The following COG4 variants were observed in gnomAD, a reference collection of about 807,000 sequenced individuals.
COG4 encodes component of oligomeric golgi complex 4, also known as conserved oligomeric Golgi complex subunit 4.
COG4 carries 65 observed loss-of-function variants against 95.1 expected under a neutral mutation model. The ratio of observed to expected loss-of-function variants is 0.68; its 90% CI spans 0.56 to 0.84. The LOEUF is 0.84. Among genes scored for constraint, COG4 ranks in the 40% least tolerant of loss-of-function variants. COG4 has a pLI of 0.00. For synonymous variants in COG4, 421 were observed against 374.8 expected, an observed-to-expected ratio of 1.12 and a Z score of -1.42; for missense variants, 1,045 against 989.1, an observed-to-expected ratio of 1.06 and a Z score of -0.76.
At chr16:70,499,548 T>C (rs766834453) in intron 9 of COG4, among the ~76,000 whole-genome samples, 2 of 152,260 alleles carry the variant, frequency 1.3e-5, no homozygotes, top group Non-Finnish European at 2.9e-5. Context: ...TTTTTATTTT[T>C]TTAAATTTTT....
rs759064547 is a variant in COG4, at chr16:70,514,317, A to C, written c.544+18T>G. ...ATGATTTTAACTAAACTAAAAACCA[A>C]CAGTTTCGGATGCTGACCCTCTTTG... On this transcript the variant is annotated intron_variant, in intron 4 of 18. Transcript: ENST00000323786. The C allele has an allele frequency of 6.2e-7, 1 of 1,613,722 alleles. No homozygotes were observed. Among genetic ancestry groups the C allele is most frequent in the Non-Finnish European group, 8.5e-7 (1 of 1,179,658 alleles).
intron 1 of COG4, chr16:70,523,077 T>A: frequency 2.2e-6 from 1 of 450,192 alleles, no homozygotes; most frequent in South Asian, 2.6e-5. Flanking sequence ...GCAAATACTC[T>A]CAGACTAACT....
intron 9 of COG4, 128 bp from the exon 10 acceptor site, chr16:70,498,183 C>A: frequency 1.5e-6 from 1 of 680,792 alleles, no homozygotes; most frequent in Non-Finnish European, 2.7e-6. Context: ...TCGTTACAAT[C>A]ATGATACAGA....
chr16:70,518,597 C>A (rs1248881439), intron 2 of COG4, among the ~76,000 whole-genome samples: 1 of 152,006 alleles, frequency 6.6e-6, no homozygotes, highest in Non-Finnish European at 1.5e-5. Context: ...GATGAGGCCT[C>A]CCACAGTGCT....
chr16:70,521,140 A>G (rs115186775), intron 1 of COG4, among the ~76,000 whole-genome samples: 1 of 151,804 alleles, frequency 6.6e-6, no homozygotes, highest in African/African-American at 2.4e-5. Context: ...GTCTCCAACT[A>G]TAGCTCAAGC....
chr16:70,482,700 G>T (rs1285906846), intron 15 of COG4, 29 bp downstream of exon 15: 2 of 1,589,756 alleles, frequency 1.3e-6, no homozygotes, highest in African/African-American at 2.7e-5. Flanking sequence ...GGTCATCGGG[G>T]CTTGATGGCT....
intron 9 of COG4, among the ~76,000 whole-genome samples, chr16:70,498,310 AACT>A (rs1170896790): frequency 6.6e-6 from 1 of 152,026 alleles, no homozygotes; most frequent in African/African-American, 2.4e-5. Context: ...ACATTTTAAA[AACT>A]ACTTTTTTTA....
chr16:70,482,677 G>T (rs2049022239), intron 15 of COG4, 52 bp downstream of exon 15: 1 of 1,445,852 alleles, frequency 6.9e-7, no homozygotes, highest in Non-Finnish European at 9.7e-7. Flanking sequence ...TCTAGCTGGG[G>T]CTAGGGATGA....
intron 12 of COG4, 98 bp from the exon 13 acceptor site, chr16:70,490,490 GAGA>G: frequency 1.0e-6 from 1 of 970,000 alleles, no homozygotes; most frequent in South Asian, 1.3e-5. Context: ...ATGAAGCTCA[GAGA>G]AGGGCTGGCT....
chr16:70,504,533 G>A (rs2049519197), intron 8 of COG4, among the ~76,000 whole-genome samples: 1 of 151,006 alleles, frequency 6.6e-6, no homozygotes, highest in African/African-American at 2.5e-5. Context: ...CTTGATCCTG[G>A]GAGGCGGAGA....
rs187838403 is a variant in COG4 at position 70,496,216 on chromosome 16, G to A, written c.1647+50C>T. 5.7e-4 allele frequency: 917 copies of A among 1,601,944 alleles called. 2 individuals carry two copies. The highest frequency in any genetic ancestry group is 7.4e-4 in the Non-Finnish European group (865 of 1,169,270). ...TATACTGTGGCTTAGCAGTGATAGC[G>A]TAACCTCTCGAGATAAACCAACCCA... On this transcript the variant is annotated intron_variant, in intron 12 of 18. Coordinates refer to ENST00000323786, the MANE Select transcript of COG4 (RefSeq NM_015386.3).
chr16:70,501,511 T>C (rs2049449672), intron 8 of COG4: 2 of 208,712 alleles, frequency 9.6e-6, no homozygotes, highest in Non-Finnish European at 2.0e-5. Context: ...CCCACCACCA[T>C]GCCCGGCTAA....
rs576712360 is a variant in COG4, at chr16:70,495,164, G to A, written c.1647+1102C>T. 1.3e-3 allele frequency among the ~76,000 whole-genome samples: 199 copies of A among 151,810 alleles called. 2 individuals carry two copies. Among genetic ancestry groups the A allele is most frequent in the African/African-American group, 4.6e-3 (192 of 41,370 alleles). On this transcript the variant is annotated intron_variant, in intron 12 of 18. Transcript: ENST00000323786. ...CCAACACTTTGGGAGGCCAAGACGG[G>A]TGGATCACTTGAGGTCAGAAGTTCG...
rs368766795 is a variant in COG4 at position 70,480,963 on chromosome 16, G to C, written c.*47C>G. On this transcript the variant is annotated 3_prime_UTR_variant, in exon 19 of 19. Coordinates refer to ENST00000323786, the MANE Select transcript of COG4 (RefSeq NM_015386.3). ...CAGCTCCTTGGCTGGGGCCCCTTAGGGAACAGGCCTGCAAGTGTGATGAGC... is the reference window on the plus strand; with the variant it reads ...CAGCTCCTTGGCTGGGGCCCCTTAGCGAACAGGCCTGCAAGTGTGATGAGC... The C allele has an allele frequency of 3.6e-5, 58 of 1,608,322 alleles. 1 individual carries two copies. Among genetic ancestry groups the C allele is most frequent in the East Asian group, 1.3e-4 (6 of 44,852 alleles).
intron 12 of COG4, among the ~76,000 whole-genome samples, chr16:70,492,268 TAA>T (rs902182377): frequency 1.3e-5 from 2 of 152,006 alleles, no homozygotes; most frequent in African/African-American, 4.8e-5. Flanking sequence ...ACAAATAAAC[TAA>T]AAAAATGAAT....
intron 6 of COG4, 159 bp downstream of exon 6, chr16:70,509,757 G>A: frequency 1.5e-6 from 1 of 682,054 alleles, no homozygotes; most frequent in East Asian, 2.7e-5. Context: ...TTGCTAATCA[G>A]GCACTGAATC....
intron 18 of COG4, 46 bp from the exon 19 acceptor site, chr16:70,481,190 T>A: frequency 6.2e-7 from 1 of 1,612,860 alleles, no homozygotes; most frequent in South Asian, 1.1e-5. Flanking sequence ...GGGGTTATTC[T>A]GAAAGAGGGC....
chr16:70,515,177 T>G (rs2049796943), intron 3 of COG4, among the ~76,000 whole-genome samples: 1 of 151,956 alleles, frequency 6.6e-6, no homozygotes, highest in Non-Finnish European at 1.5e-5. Flanking sequence ...AACCACAACC[T>G]GCTAATTTTT....
chr16:70,507,621 G>T (rs2049605618), intron 8 of COG4, among the ~76,000 whole-genome samples: 1 of 152,036 alleles, frequency 6.6e-6, no homozygotes, highest in Non-Finnish European at 1.5e-5. Flanking sequence ...AGCATTTTGG[G>T]AGGCTGAGGT....
Sources: gnomAD v4.1 joint callset for allele counts (sites outside exome capture counted in the v4.1 genomes callset) on GRCh38, gnomAD v4.1.1 for gene constraint, MANE v1.5 for transcripts, NCBI Gene and HGNC (gene_info 2026-07-23, HGNC 2026-07-21) for gene names.